Variants in HIPK3 observed in about 807,000 individuals in gnomAD.
HIPK3 encodes homeodomain interacting protein kinase 3.
In HIPK3, 47 loss-of-function variants were observed where a neutral mutation model predicts 124.2. The ratio of observed to expected loss-of-function variants is 0.38; its 90% CI spans 0.30 to 0.48. HIPK3 has a LOEUF of 0.48. Ranked by LOEUF, HIPK3 falls within the 20% of genes least tolerant of loss-of-function variation. The pLI, the probability that HIPK3 is intolerant of heterozygous loss-of-function variation, is 0.98. For missense variants in HIPK3, 1,286 were observed against 1,454.3 expected (o/e 0.88, Z 1.88); for synonymous variants, 482 against 515.2 (o/e 0.94, Z 0.87).
At chr11:33,308,685 A>G (rs1410031463) in intron 2 of HIPK3, among the ~76,000 whole-genome samples, 1 of 149,664 alleles carries the variant, frequency 6.7e-6, no homozygotes, top group Non-Finnish European at 1.5e-5. Context: ...ATCTCTTAAT[A>G]GCTTTCCCCA....
chr11:33,322,572 T>A (rs1411733091), intron 2 of HIPK3, among the ~76,000 whole-genome samples: 1 of 152,094 alleles, frequency 6.6e-6, no homozygotes, highest in Non-Finnish European at 1.5e-5. Context: ...ACACCTGTAA[T>A]CCCAGCACTT....
At chr11:33,297,739 G>A (rs567286279) in intron 2 of HIPK3, among the ~76,000 whole-genome samples, 1 of 148,210 alleles carries the variant, frequency 6.7e-6, no homozygotes, top group Non-Finnish European at 1.5e-5. Context: ...CATAGCTAGA[G>A]AGAAGTCAAT....
chr11:33,264,144 C>T (rs1357089029), intron 1 of HIPK3, among the ~76,000 whole-genome samples: 8 of 151,800 alleles, frequency 5.3e-5, no homozygotes, highest in South Asian at 2.1e-4. Context: ...GCATTTTCTT[C>T]GCTGCTAACC....
chr11:33,312,241 T>C (rs12286363), intron 2 of HIPK3, among the ~76,000 whole-genome samples: 14,935 of 152,228 alleles, frequency 0.098, 1,663 homozygotes, highest in African/African-American at 0.28. Flanking sequence ...GACAATATAA[T>C]TCAGTATATT....
At chr11:33,321,552 C>T (rs1370144612) in intron 2 of HIPK3, among the ~76,000 whole-genome samples, 1 of 152,132 alleles carries the variant, frequency 6.6e-6, no homozygotes, top group Non-Finnish European at 1.5e-5. Flanking sequence ...ATTACACTGA[C>T]AGCTGCAAGT....
chr11:33,284,094 A>G (rs977646816), intron 1 of HIPK3, among the ~76,000 whole-genome samples: 5 of 152,220 alleles, frequency 3.3e-5, no homozygotes, highest in Non-Finnish European at 5.9e-5. Flanking sequence ...CTCATTTTTA[A>G]TATCGATATT....
intron 1 of HIPK3, among the ~76,000 whole-genome samples, chr11:33,274,930 C>G (rs1327329817): frequency 6.6e-6 from 1 of 152,174 alleles, no homozygotes; most frequent in Non-Finnish European, 1.5e-5. Context: ...CTGGAAAATA[C>G]CCAAGACTTT....
intron 2 of HIPK3, among the ~76,000 whole-genome samples, chr11:33,305,734 T>C (rs1324465360): frequency 6.6e-6 from 1 of 152,212 alleles, no homozygotes; most frequent in Non-Finnish European, 1.5e-5. Flanking sequence ...TCACCAAATC[T>C]GGTGGATTTT....
rs1565078204 is a variant in HIPK3 at position 33,310,311 on chromosome 11, T to TATCTATCTATCTA, written c.1098-18189_1098-18188insCTAATCTATCTAT. 2.5e-3 allele frequency among the ~76,000 whole-genome samples: 377 copies of TATCTATCTATCTA among 150,826 alleles called. 4 individuals are homozygous for TATCTATCTATCTA. The highest frequency in any genetic ancestry group is 8.9e-3 in the African/African-American group (363 of 40,666). On this transcript the variant is annotated intron_variant, in intron 2 of 16. Coordinates refer to ENST00000303296, the MANE Select transcript of HIPK3 (RefSeq NM_005734.5). ...TATCTATCTATCTATCTATCTAATC[T>TATCTATCTATCTA]ATCTATCTATTCTATTGAGGGTCTT...
intron 2 of HIPK3, among the ~76,000 whole-genome samples, chr11:33,324,795 T>G (rs1049010878): frequency 4.6e-5 from 7 of 152,192 alleles, no homozygotes; most frequent in Non-Finnish European, 8.8e-5. Flanking sequence ...TGTGGGAGGT[T>G]CTTTGTACCT....
rs765982323 is a variant in HIPK3, at chr11:33,341,056, A to C, written c.1702A>C (p.Arg568=). The C allele has an allele frequency of 1.2e-6, 2 of 1,612,270 alleles. No homozygotes were observed. The highest frequency in any genetic ancestry group is 2.2e-5 in the South Asian group (2 of 90,816). Residue 568 remains arginine, a synonymous_variant, in exon 7 of 17, where the codon AGA becomes CGA. Coordinates refer to ENST00000303296, the MANE Select transcript of HIPK3 (RefSeq NM_005734.5). ...TAATCACAACAAAACTTCACTTTTA[A>C]GACCAGTTGCTTCAAGCAGTACTGC... ...TNNHNKTSLL[R]PVASSSTATL...
At position 33,286,659 on chromosome 11, in the gene HIPK3, CTGT is replaced by C. The variant is rs751430072; in HGVS notation, c.250_252del (p.Val84del). ...CACAACTTTTCATTGCAGACAAGTGCTGTTGTTTTGAAAAACACTGCAGGTGCT... is the reference window on the plus strand; with the variant it reads ...CACAACTTTTCATTGCAGACAAGTGCTGTTTTGAAAAACACTGCAGGTGCT... On this transcript the variant is annotated inframe_deletion, in exon 2 of 17. Coordinates refer to ENST00000303296, the MANE Select transcript of HIPK3 (RefSeq NM_005734.5). The C allele has an allele frequency of 1.9e-5, 30 of 1,614,020 alleles. No individual in the cohort carries two copies. Among genetic ancestry groups the C allele is most frequent in the Admixed American group, 5.0e-5 (3 of 60,000 alleles).
In HIPK3 at chr11:33,347,446, A is replaced by T. The variant is rs266466; in HGVS notation, c.2019+32A>T. 2.6e-3 allele frequency: 4,125 copies of T among 1,611,816 alleles called. 98 individuals carry two copies. The African/African-American group carries it at 0.048, about 19-fold the overall frequency. ...AATAATTCATTCTTTGCCATATATC[A>T]GCTTGTGCTTTTGGGAAATAGTGAA... On this transcript the variant is annotated intron_variant, in intron 9 of 16. Transcript: ENST00000303296.
rs139080918 is a variant in HIPK3 at position 33,273,667 on chromosome 11, G to A, written c.-2-12746G>A. On this transcript the variant is annotated intron_variant, in intron 1 of 16. Coordinates refer to ENST00000303296, the MANE Select transcript of HIPK3 (RefSeq NM_005734.5). ...AAATTAAAAAAATACTTTGAATTTA[G>A]CAGTATAAGGCATATTAGGACCCTA... Among the ~76,000 whole-genome samples, 215 of 152,068 alleles carry A rather than the reference G, an allele frequency of 1.4e-3. 2 individuals are homozygous for A. Among genetic ancestry groups the A allele is most frequent in the African/African-American group, 5.1e-3 (212 of 41,490 alleles).
rs192832810 is a variant in HIPK3, at chr11:33,279,540, A to G, written c.-2-6873A>G. ...TGGAAACAGCCCACTATGGTTAGCA[A>G]TGATCAGACTCATGACTATGGGTGT... On this transcript the variant is annotated intron_variant, in intron 1 of 16. Transcript: ENST00000303296. Among the ~76,000 whole-genome samples the G allele has an allele frequency of 3.3e-5, 5 of 152,262 alleles. No individual in the cohort carries two copies. In the East Asian group the frequency reaches 9.6e-4, roughly 29 times the overall value.
intron 1 of HIPK3, among the ~76,000 whole-genome samples, chr11:33,266,619 A>T (rs1243955824): frequency 6.6e-6 from 1 of 152,112 alleles, no homozygotes; most frequent in Admixed American, 6.5e-5. Context: ...AGGTGGGAGG[A>T]TTGCCTGAGC....
chr11:33,267,642 C>T (rs188192185), intron 1 of HIPK3, among the ~76,000 whole-genome samples: 4 of 150,138 alleles, frequency 2.7e-5, no homozygotes, highest in African/African-American at 9.8e-5. Context: ...ACTAGGCTCC[C>T]GCCACCACGC....
intron 2 of HIPK3, among the ~76,000 whole-genome samples, chr11:33,325,876 T>C (rs531359273): frequency 1.3e-5 from 2 of 152,356 alleles, no homozygotes; most frequent in East Asian, 1.9e-4. Context: ...TACCTAAATA[T>C]AATTAATGTG....
intron 2 of HIPK3, among the ~76,000 whole-genome samples, chr11:33,319,369 A>T (rs1233735519): frequency 6.6e-6 from 1 of 151,982 alleles, no homozygotes; most frequent in African/African-American, 2.4e-5. Context: ...GATGGCAGGC[A>T]CCTGTAATCC....
Sources: allele counts gnomAD v4.1 joint callset (sites outside exome capture counted in the v4.1 genomes callset), GRCh38; gene constraint gnomAD v4.1.1; transcripts MANE v1.5; gene names NCBI Gene and HGNC (gene_info 2026-07-23, HGNC 2026-07-21).